Variants in NEGR1 observed in about 807,000 individuals in gnomAD.
NEGR1 encodes IgLON family member 4.
A neutral mutation model predicts 40.9 loss-of-function variants in NEGR1; 10 were observed. That is an observed-to-expected ratio of 0.24 (90% CI 0.15 to 0.42). The LOEUF (loss-of-function observed/expected upper bound fraction) is 0.42, where lower values mean the gene tolerates loss of function less well. NEGR1 is among the 10% of genes least tolerant of loss of function. The probability of loss-of-function intolerance (pLI) is 1.00; values close to 1 mark genes in which losing one functional copy is unlikely to be tolerated. For synonymous variants in NEGR1, 185 were observed against 166.8 expected (o/e 1.11, Z -0.84); for missense variants, 352 against 438.9 (o/e 0.80, Z 1.77).
At chr1:71,537,055 G>C (rs1647535623) in intron 6 of NEGR1, among the ~76,000 whole-genome samples, 1 of 151,560 alleles carries the variant, frequency 6.6e-6, no homozygotes, top group Admixed American at 6.6e-5. Context: ...GTTGTAACAA[G>C]TCATTATTAT....
chr1:71,582,606 G>A (rs1226872060), intron 6 of NEGR1, among the ~76,000 whole-genome samples: 1 of 152,016 alleles, frequency 6.6e-6, no homozygotes, highest in Non-Finnish European at 1.5e-5. Flanking sequence ...ATTCTCTGGG[G>A]GAAACAAAGT....
At chr1:71,807,779 C>A (rs569765451) in intron 2 of NEGR1, among the ~76,000 whole-genome samples, 2 of 152,236 alleles carry the variant, frequency 1.3e-5, no homozygotes, top group Non-Finnish European at 2.9e-5. Flanking sequence ...AACTTGCACA[C>A]TACAAAAGCT....
intron 5 of NEGR1, among the ~76,000 whole-genome samples, chr1:71,593,658 C>T (rs1023472403): frequency 3.3e-5 from 5 of 152,118 alleles, no homozygotes; most frequent in Non-Finnish European, 7.4e-5. Context: ...ACTAATTGTC[C>T]AACAGTCTCT....
intron 2 of NEGR1, among the ~76,000 whole-genome samples, chr1:71,787,904 T>C (rs1336308083): frequency 6.6e-6 from 1 of 152,204 alleles, no homozygotes; most frequent in East Asian, 1.9e-4. Context: ...TTGTTTGTTT[T>C]CTTATAAAAG....
chr1:72,128,430 A>T (rs148680161), intron 1 of NEGR1, among the ~76,000 whole-genome samples: 91 of 152,312 alleles, frequency 6.0e-4, no homozygotes, highest in African/African-American at 2.1e-3. Flanking sequence ...AGTGTGAAGT[A>T]TAATAAACAG....
intron 3 of NEGR1, among the ~76,000 whole-genome samples, chr1:71,710,686 A>G (rs996300796): frequency 6.6e-6 from 1 of 152,142 alleles, no homozygotes; most frequent in Non-Finnish European, 1.5e-5. Flanking sequence ...AATAATAATA[A>G]AAACACCAGA....
chr1:71,596,757 ATATCTCTAGAGAAACCAAC>A (rs1203915597), intron 5 of NEGR1, among the ~76,000 whole-genome samples: 1 of 152,246 alleles, frequency 6.6e-6, no homozygotes, highest in Non-Finnish European at 1.5e-5. Context: ...ATAACAACAG[ATATCTCTAGAGAAACCAAC>A]TTGCAGATGA....
At chr1:71,551,031 T>A (rs991295398) in intron 6 of NEGR1, among the ~76,000 whole-genome samples, 1 of 151,602 alleles carries the variant, frequency 6.6e-6, no homozygotes, top group African/African-American at 2.4e-5. Flanking sequence ...GTACTCTACA[T>A]TGTATGCTCT....
At chr1:71,774,854 AC>A (rs757842375) in intron 3 of NEGR1, among the ~76,000 whole-genome samples, 3 of 152,158 alleles carry the variant, frequency 2.0e-5, no homozygotes, top group Non-Finnish European at 2.9e-5. Flanking sequence ...TTGAAAACAG[AC>A]CTGTTTTGAT....
chr1:71,859,531 C>T (rs1659879875), intron 2 of NEGR1, among the ~76,000 whole-genome samples: 1 of 151,980 alleles, frequency 6.6e-6, no homozygotes, highest in Non-Finnish European at 1.5e-5. Flanking sequence ...GCAACTGCCT[C>T]TGGGTTTTGT....
At chr1:71,616,890 G>A (rs144864624) in intron 4 of NEGR1, among the ~76,000 whole-genome samples, 1 of 152,216 alleles carries the variant, frequency 6.6e-6, no homozygotes, top group Non-Finnish European at 1.5e-5. Context: ...AATAACAAGA[G>A]TGCTACTTAA....
intron 2 of NEGR1, among the ~76,000 whole-genome samples, chr1:71,877,238 G>T (rs1165456958): frequency 6.6e-6 from 1 of 152,178 alleles, no homozygotes; most frequent in East Asian, 1.9e-4. Context: ...AACTAGTCAT[G>T]TATGGCCTTA....
At chr1:71,725,012 G>T (rs1654626604) in intron 3 of NEGR1, among the ~76,000 whole-genome samples, 1 of 152,018 alleles carries the variant, frequency 6.6e-6, no homozygotes, top group South Asian at 2.1e-4. Context: ...CTTGTTTCCT[G>T]CCTCTGAGGA....
At chr1:71,763,051 G>A (rs1279592251) in intron 3 of NEGR1, among the ~76,000 whole-genome samples, 1 of 151,994 alleles carries the variant, frequency 6.6e-6, no homozygotes, top group Non-Finnish European at 1.5e-5. Context: ...CATGGTGCAT[G>A]GGGGAGGAAT....
intron 1 of NEGR1, among the ~76,000 whole-genome samples, chr1:72,171,716 CTA>C (rs1651971323): frequency 6.6e-6 from 1 of 152,094 alleles, no homozygotes; most frequent in African/African-American, 2.4e-5. Flanking sequence ...TTTGAGTAAA[CTA>C]TTCAGAATCA....
intron 3 of NEGR1, among the ~76,000 whole-genome samples, chr1:71,750,254 A>G (rs1056059242): frequency 2.6e-5 from 4 of 152,036 alleles, no homozygotes; most frequent in Admixed American, 2.0e-4. Context: ...CGGCCTCCCA[A>G]AGTGCTGGGA....
rs139020267 is a variant in NEGR1 at position 71,624,603 on chromosome 1, A to T, written c.668-13457T>A. ...GCTCTAGCAATATTGGACTATTTCA[A>T]ATTGGTGGAACACAAACCAAGAGCA... On this transcript the variant is annotated intron_variant, in intron 4 of 6. Transcript: ENST00000357731. Among the ~76,000 whole-genome samples the T allele has an allele frequency of 2.4e-3, 364 of 152,046 alleles. 2 individuals carry two copies. Among genetic ancestry groups the T allele is most frequent in the African/African-American group, 8.6e-3 (355 of 41,512 alleles).
chr1:71,749,504 AAGG>A (rs1655497462), intron 3 of NEGR1, among the ~76,000 whole-genome samples: 1 of 152,158 alleles, frequency 6.6e-6, no homozygotes, highest in Admixed American at 6.5e-5. Flanking sequence ...ATACTTAGGA[AAGG>A]ATAGTTATTA....
At chr1:71,663,992 A>G (rs1246097653) in intron 4 of NEGR1, among the ~76,000 whole-genome samples, 4 of 152,188 alleles carry the variant, frequency 2.6e-5, no homozygotes, top group Admixed American at 2.0e-4. Flanking sequence ...TAAAATTTCC[A>G]TACGTGCTGG....
Sources: gnomAD v4.1 joint callset for allele counts (sites outside exome capture counted in the v4.1 genomes callset) on GRCh38, gnomAD v4.1.1 for gene constraint, MANE v1.5 for transcripts, NCBI Gene and HGNC (gene_info 2026-07-23, HGNC 2026-07-21) for gene names.